The following ANO7 variants were observed in gnomAD, a reference collection of about 807,000 sequenced individuals.
The protein encoded by ANO7 is anoctamin-7.
In ANO7, 114 loss-of-function variants were observed where a neutral mutation model predicts 115.8. The observed-to-expected ratio is 0.98, with a 90% CI of 0.85 to 1.15. The LOEUF (loss-of-function observed/expected upper bound fraction) is 1.15. ANO7 is among the 50% of genes most tolerant of loss of function. The pLI is 0.00. For synonymous variants in ANO7, 550 were observed against 498.2 expected (o/e 1.10, Z -1.38); for missense variants, 1,302 against 1,201.2 (o/e 1.08, Z -1.24).
rs889842188 is a variant in ANO7, at chr2:241,221,697, G to A, written c.2322-1489G>A. On this transcript the variant is annotated intron_variant, in intron 21 of 24. Coordinates refer to ENST00000674324, the MANE Select transcript of ANO7 (RefSeq NM_001370694.2). ...GGATTATTTCTTTTTTTTCTTTTGA[G>A]ATGGAGTTTTCCTCTTGTCGCCAAG... 2.6e-5 allele frequency among the ~76,000 whole-genome samples: 4 copies of A among 151,592 alleles called. No individual in the cohort carries two copies. In the East Asian group the frequency reaches 5.8e-4, roughly 22 times the overall value.
the ANO7 span, chr2:241,238,938 G>A: frequency 1.9e-4 from 113 of 589,188 alleles, 1 homozygote; most frequent in African/African-American, 1.9e-3. The surrounding 1 kb of genome is among the most constrained non-coding windows in gnomAD (Gnocchi z 4.9). Flanking sequence ...GGCTCCAGGC[G>A]CAGGGAGGAG....
chr2:241,200,157 G>A lies in ANO7; in HGVS notation c.486G>A (p.Leu162=). ...LLAWLGIPNV[L]LEVVPDVPPE... ...CATGGCTGGGCATCCCCAACGTCCT[G>A]CTGGAGGTTGTGCCAGACGTACCCC... Residue 162 remains leucine, a synonymous_variant, in exon 6 of 25, where the codon CTG becomes CTA. Coordinates refer to ENST00000674324, the MANE Select transcript of ANO7 (RefSeq NM_001370694.2). The A allele has an allele frequency of 6.2e-7, 1 of 1,613,170 alleles. No individual in the cohort carries two copies. Among genetic ancestry groups the A allele is most frequent in the South Asian group, 1.1e-5 (1 of 91,072 alleles).
Position 241,225,974 on chromosome 2 carries a change from A to G in ANO7, c.*1821A>G, listed in dbSNP as rs1014538420. 6.6e-6 allele frequency among the ~76,000 whole-genome samples: 1 copy of G among 152,130 alleles called. No individual in the cohort carries two copies. Among genetic ancestry groups the G allele is most frequent in the Non-Finnish European group, 1.5e-5 (1 of 68,006 alleles). ...TTTTATTGTTGCTGTCTTAAACTCCAAAGTTTTAAGGTGAATTTATTGAAA... is the reference window on the plus strand; with the variant it reads ...TTTTATTGTTGCTGTCTTAAACTCCGAAGTTTTAAGGTGAATTTATTGAAA... On this transcript the variant is annotated 3_prime_UTR_variant, in exon 25 of 25. Coordinates refer to ENST00000674324, the MANE Select transcript of ANO7 (RefSeq NM_001370694.2).
chr2:241,223,564 C>A (rs1218291595), intron 22 of ANO7, 98 bp from the exon 23 acceptor site: 15 of 1,530,164 alleles, frequency 9.8e-6, no homozygotes, highest in Non-Finnish European at 1.3e-5. Context: ...CTGACTCCAC[C>A]CACAGCTGGG....
intron 5 of ANO7, among the ~76,000 whole-genome samples, chr2:241,199,752 T>C (rs1347211738): frequency 1.3e-5 from 2 of 152,142 alleles, no homozygotes. Context: ...CCAGGTGACC[T>C]CAGGAAGATG....
In ANO7 at chr2:241,190,187, A is replaced by T. The variant is rs776114773; in HGVS notation, c.108+16A>T. 5.2e-6 allele frequency: 8 copies of T among 1,547,848 alleles called. No individual in the cohort carries two copies. The East Asian group carries it at 1.9e-4, about 38-fold the overall frequency. ...CGCCTCGGAGGTAACAGCACCCAGG[A>T]GACTGTGGTGCGACTTGAGAGGTCC... On this transcript the variant is annotated intron_variant, in intron 2 of 24. Transcript: ENST00000674324.
chr2:241,239,316 T>A, the ANO7 span, among the ~76,000 whole-genome samples: 1 of 152,090 alleles, frequency 6.6e-6, no homozygotes, highest in Non-Finnish European at 1.5e-5. The surrounding 1 kb of genome is among the most constrained non-coding windows in gnomAD (Gnocchi z 4.6). Flanking sequence ...TGCATTTTCT[T>A]TCTTTCTCTT....
chr2:241,199,272 A>G (rs570848060), intron 4 of ANO7, 44 bp from the exon 5 acceptor site: 13 of 1,547,740 alleles, frequency 8.4e-6, no homozygotes, highest in African/African-American at 1.4e-5. Flanking sequence ...GCATACGTGC[A>G]CACATGCACC....
chr2:241,210,708 C>G (rs2068702762), intron 15 of ANO7, 138 bp downstream of exon 15: 1 of 771,630 alleles, frequency 1.3e-6, no homozygotes, highest in East Asian at 2.7e-5. Context: ...GAGACAGGAT[C>G]TCACTCTGTT....
chr2:241,191,093 G>A lies in ANO7; in HGVS notation c.109-101G>A, dbSNP rs549196650. On this transcript the variant is annotated intron_variant, in intron 2 of 24. Coordinates refer to ENST00000674324, the MANE Select transcript of ANO7 (RefSeq NM_001370694.2). The stretch of plus-strand genomic sequence containing the variant: ...GAGTGTTCTGGGGCAGGGCGGGGAC[G>A]GGTTGGAGGCGAGGACGGCTTCAGG... The A allele has an allele frequency of 3.6e-3, 4,792 of 1,319,156 alleles. 13 individuals carry two copies. The highest frequency in any genetic ancestry group is 4.2e-3 in the Non-Finnish European group (3,923 of 926,810). 81.7% of individuals were successfully genotyped at this position (1,319,156 alleles called of 1,614,324 possible). A position where few individuals can be genotyped will look rare whatever the true frequency, so the allele number is the denominator to read the frequency against.
chr2:241,216,279 G>C lies in ANO7; in HGVS notation c.1972+41G>C, dbSNP rs762742812. On this transcript the variant is annotated intron_variant, in intron 19 of 24. Coordinates refer to ENST00000674324, the MANE Select transcript of ANO7 (RefSeq NM_001370694.2). ...CAGCTGCGGCAATGGCTGGCGCCGT[G>C]GGCAGGGATGGGTGGCCACTCTGCT... 17 of 1,514,394 alleles carry C rather than the reference G, an allele frequency of 1.1e-5. No homozygotes were observed. The South Asian group carries it at 2.0e-4, about 18-fold the overall frequency. 93.8% of individuals were successfully genotyped at this position (1,514,394 alleles called of 1,614,324 possible). A position where few individuals can be genotyped will look rare whatever the true frequency, so the allele number is the denominator to read the frequency against.
rs373474191 is a variant in ANO7, at chr2:241,223,138, C to A, written c.2322-48C>A. 5 of 1,560,486 alleles carry A rather than the reference C, an allele frequency of 3.2e-6. No homozygotes were observed. The African/African-American group carries it at 6.8e-5, about 21-fold the overall frequency. ...GCTAATTCCAGAGGCACCTGCCCAG[C>A]CAACACTCAGCCCTGGCTGCGCGCA... On this transcript the variant is annotated intron_variant, in intron 21 of 24. Transcript: ENST00000674324.
In ANO7 at chr2:241,223,647, T is replaced by C; in HGVS notation, c.2413-15T>C. 2 of 1,610,318 alleles carry C rather than the reference T, an allele frequency of 1.2e-6. No individual in the cohort carries two copies. The highest frequency in any genetic ancestry group is 1.7e-6 in the Non-Finnish European group (2 of 1,178,132). On this transcript the variant is annotated splice_polypyrimidine_tract_variant and intron_variant, in intron 22 of 24. Coordinates refer to ENST00000674324, the MANE Select transcript of ANO7 (RefSeq NM_001370694.2). Reference sequence around the variant, plus strand: ...GGGCGTTTGGGTGGGCGTGAGTGCCTTCCTCTGCTCCCAGCATGTGGTTTT... The same window carrying C: ...GGGCGTTTGGGTGGGCGTGAGTGCCCTCCTCTGCTCCCAGCATGTGGTTTT...
chr2:241,238,220 T>C, the ANO7 span: 1 of 153,870 alleles, frequency 6.5e-6, no homozygotes, highest in South Asian at 2.1e-4. This position sits in a 1 kb window ranked among gnomAD's most constrained non-coding sequence, Gnocchi z 4.9. Flanking sequence ...TGCCGGCCAC[T>C]TGGATGGTGC....
Position 241,217,845 on chromosome 2 carries a change from G to T in ANO7, c.2132G>T (p.Trp711Leu). 6.2e-7 allele frequency: 1 copy of T among 1,607,676 alleles called. No homozygotes were observed. Among genetic ancestry groups the T allele is most frequent in the South Asian group, 1.1e-5 (1 of 90,590 alleles). The part of the protein sequence containing the change: ...VAERAQDIGI[W>L]FHILAGLTHL... ...GAGCGCGCCCAGGACATCGGCATCT[G>T]GTTCCACATCCTGGCGGGCCTCACG... is the stretch of plus-strand genomic sequence containing the variant. Residue 711 changes from tryptophan to leucine, a missense_variant, in exon 20 of 25, where the codon TGG (tryptophan) becomes TTG (leucine). Trp to Leu is a moderately conservative substitution (Grantham distance 61). Coordinates refer to ENST00000674324, the MANE Select transcript of ANO7 (RefSeq NM_001370694.2).
chr2:241,202,316 G>C lies in ANO7; in HGVS notation c.723+12G>C. 6.2e-7 allele frequency: 1 copy of C among 1,609,962 alleles called. No individual in the cohort carries two copies. Among genetic ancestry groups the C allele is most frequent in the Non-Finnish European group, 8.5e-7 (1 of 1,178,978 alleles). On this transcript the variant is annotated intron_variant, in intron 8 of 24. Transcript: ENST00000674324. ...TCCCCCTGCATGACGTGAGCTCGGG[G>C]GCTGGGGGCTCCAGCCTGGGTATGG...
intron 15 of ANO7, 91 bp downstream of exon 15, chr2:241,210,661 T>C (rs1378052721): frequency 2.0e-6 from 2 of 1,021,508 alleles, no homozygotes; most frequent in African/African-American, 1.6e-5. Flanking sequence ...CTGACACACA[T>C]GGCCCTCATT....
chr2:241,236,688 G>C, the ANO7 span: 1 of 1,614,152 alleles, frequency 6.2e-7, no homozygotes. Context: ...CCTCCTTGGA[G>C]AGCCGGGGTC....
At chr2:241,233,521 A>G in the ANO7 span, among the ~76,000 whole-genome samples, 2 of 152,116 alleles carry the variant, frequency 1.3e-5, no homozygotes. This position sits in a 1 kb window ranked among gnomAD's most constrained non-coding sequence, Gnocchi z 4.3. Flanking sequence ...CAGGTGAATG[A>G]GCTACACCTG....
Sources: allele counts gnomAD v4.1 joint callset (sites outside exome capture counted in the v4.1 genomes callset), GRCh38; gene constraint gnomAD v4.1.1; non-coding constraint Gnocchi (gnomAD v3.1); transcripts MANE v1.5; gene names NCBI Gene and HGNC (gene_info 2026-07-23, HGNC 2026-07-21).